ZNF385D: variants seen among roughly 807,000 people sequenced by gnomAD.
ZNF385D encodes zinc finger protein 659.
In ZNF385D, 15 loss-of-function variants were observed where a neutral mutation model predicts 35.8. The observed-to-expected ratio is 0.42, with a 90% confidence interval of 0.28 to 0.64. The LOEUF (loss-of-function observed/expected upper bound fraction) is 0.64, where lower values mean the gene tolerates loss of function less well. Among genes scored for constraint, ZNF385D ranks in the 30% least tolerant of loss-of-function variants. The pLI is 0.23. For missense variants in ZNF385D, 474 were observed against 494.6 expected (o/e 0.96, Z 0.39); for synonymous variants, 212 against 186.8 (o/e 1.13, Z -1.10).
At chr3:21,470,652 G>A (rs1703824542) in intron 4 of ZNF385D, among the ~76,000 whole-genome samples, 1 of 152,030 alleles carries the variant, frequency 6.6e-6, no homozygotes. Flanking sequence ...TTTAGTCAGG[G>A]TATACTCTTT....
intron 2 of ZNF385D, among the ~76,000 whole-genome samples, chr3:22,251,808 A>G (rs896996921): frequency 6.6e-6 from 1 of 152,058 alleles, no homozygotes; most frequent in Admixed American, 6.6e-5. Flanking sequence ...GATCTTAGAG[A>G]CACTAATTTT....
intron 2 of ZNF385D, among the ~76,000 whole-genome samples, chr3:21,636,193 A>G (rs1234907658): frequency 2.0e-5 from 3 of 151,116 alleles, no homozygotes; most frequent in African/African-American, 7.3e-5. Flanking sequence ...GAAGTGTTCC[A>G]TTTTCACCAC....
chr3:21,845,202 C>T (rs889214200), intron 3 of ZNF385D, among the ~76,000 whole-genome samples: 23 of 151,868 alleles, frequency 1.5e-4, no homozygotes, highest in Non-Finnish European at 2.6e-4. Context: ...TGCAAATTTG[C>T]TGCCTCTTAT....
chr3:21,840,282 T>C (rs1248259774), intron 3 of ZNF385D, among the ~76,000 whole-genome samples: 2 of 151,966 alleles, frequency 1.3e-5, no homozygotes, highest in African/African-American at 4.8e-5. Flanking sequence ...AACAAACAAT[T>C]AAGACAAATT....
intron 3 of ZNF385D, among the ~76,000 whole-genome samples, chr3:22,004,482 G>T (rs1012470304): frequency 2.0e-5 from 3 of 152,130 alleles, no homozygotes; most frequent in African/African-American, 7.2e-5. Flanking sequence ...ACAATCAACG[G>T]AGTAAAGAGA....
At chr3:22,130,297 G>C (rs1412694484) in intron 3 of ZNF385D, among the ~76,000 whole-genome samples, 1 of 152,136 alleles carries the variant, frequency 6.6e-6, no homozygotes, top group Non-Finnish European at 1.5e-5. Context: ...AGCCAACCCA[G>C]CTGGTATCTC....
At chr3:22,140,648 G>A (rs2125702708) in intron 3 of ZNF385D, among the ~76,000 whole-genome samples, 1 of 152,316 alleles carries the variant, frequency 6.6e-6, no homozygotes, top group African/African-American at 2.4e-5. Context: ...TACCTTTGGG[G>A]AAAGCTGAGT....
intron 1 of ZNF385D, among the ~76,000 whole-genome samples, chr3:21,748,301 A>AGTTGC (rs2069880380): frequency 1.3e-5 from 2 of 151,904 alleles, no homozygotes; most frequent in Non-Finnish European, 2.9e-5. Context: ...CACACACACA[A>AGTTGC]CTGACTCCAA....
chr3:22,347,248 G>C (rs1193106987), intron 2 of ZNF385D, among the ~76,000 whole-genome samples: 1 of 152,134 alleles, frequency 6.6e-6, no homozygotes, highest in African/African-American at 2.4e-5. Flanking sequence ...TTATCATGGA[G>C]ATTTTAAAAA....
At chr3:21,541,024 T>G (rs2062161660) in intron 3 of ZNF385D, among the ~76,000 whole-genome samples, 1 of 152,178 alleles carries the variant, frequency 6.6e-6, no homozygotes, top group Admixed American at 6.5e-5. Flanking sequence ...AAAAGGTGAA[T>G]CTGGGCCAGT....
chr3:21,696,429 G>C (rs770428753), intron 1 of ZNF385D, among the ~76,000 whole-genome samples: 10 of 152,086 alleles, frequency 6.6e-5, no homozygotes, highest in Non-Finnish European at 1.2e-4. Flanking sequence ...TACAAATATT[G>C]GTTGTTATTA....
chr3:22,192,883 C>G (rs1232307852), intron 2 of ZNF385D, among the ~76,000 whole-genome samples: 1 of 152,142 alleles, frequency 6.6e-6, no homozygotes, highest in African/African-American at 2.4e-5. Context: ...TCTTAAATAA[C>G]TCTGCTAGGT....
chr3:21,557,353 A>G (rs186407846), intron 3 of ZNF385D, among the ~76,000 whole-genome samples: 317 of 152,250 alleles, frequency 2.1e-3, no homozygotes, highest in Middle Eastern at 0.01. Context: ...TACCTAATTT[A>G]TTGAGAGTTT....
At chr3:22,127,673 G>A (rs116762017) in intron 3 of ZNF385D, among the ~76,000 whole-genome samples, 1 of 151,836 alleles carries the variant, frequency 6.6e-6, no homozygotes, top group Non-Finnish European at 1.5e-5. Context: ...TTCCCATGAG[G>A]CTCACAAATA....
chr3:21,928,221 T>TGGAC (rs1194152736), intron 3 of ZNF385D, among the ~76,000 whole-genome samples: 1 of 142,722 alleles, frequency 7.0e-6, no homozygotes, highest in South Asian at 2.2e-4. Flanking sequence ...GAAAGAAGGA[T>TGGAC]GGACGGACGG....
At position 21,986,551 on chromosome 3, in the gene ZNF385D, G is replaced by T. The variant is rs1244747505; in HGVS notation, c.325+182266C>A. Among the ~76,000 whole-genome samples, 3 of 146,632 alleles carry T rather than the reference G, an allele frequency of 2.0e-5. No homozygotes were observed. The East Asian group carries it at 5.8e-4, about 29-fold the overall frequency. ...TGAGAGATAGTTTGTTATAATTTCT[G>T]TTCTTTTACATTTGCTGTGGAGAGC... On this transcript the variant is annotated intron_variant, in intron 3 of 5. Transcript: ENST00000494108.
At chr3:21,624,818 A>G (rs1575344986) in intron 2 of ZNF385D, among the ~76,000 whole-genome samples, 1 of 152,186 alleles carries the variant, frequency 6.6e-6, no homozygotes. Context: ...GCAGCTGCCA[A>G]ATGTTTTCCT....
chr3:21,795,327 A>G (rs945615143), intron 3 of ZNF385D, among the ~76,000 whole-genome samples: 1 of 152,222 alleles, frequency 6.6e-6, no homozygotes, highest in Admixed American at 6.5e-5. Flanking sequence ...CCCAGATCAC[A>G]GCAGTGACAG....
chr3:21,619,188 A>G (rs1271310959), intron 2 of ZNF385D, among the ~76,000 whole-genome samples: 3 of 152,098 alleles, frequency 2.0e-5, no homozygotes, highest in Non-Finnish European at 2.9e-5. Flanking sequence ...CCTGTTTCTT[A>G]TCCCATAAGT....
Sources: gnomAD v4.1 joint callset for allele counts (sites outside exome capture counted in the v4.1 genomes callset) on GRCh38, gnomAD v4.1.1 for gene constraint, MANE v1.5 for transcripts, NCBI Gene and HGNC (gene_info 2026-07-23, HGNC 2026-07-21) for gene names.